DNAAF4: variants seen among roughly 807,000 people sequenced by gnomAD.
The protein encoded by DNAAF4 is dynein assembly factor 4, axonemal.
In DNAAF4, 43 loss-of-function variants were observed where a neutral mutation model predicts 51.8. The observed-to-expected ratio is 0.83, with a 90% CI of 0.65 to 1.07. DNAAF4 has a LOEUF of 1.07. DNAAF4 is among the 50% of genes least tolerant of loss of function. The pLI, the probability that DNAAF4 is intolerant of heterozygous loss-of-function variation, is 0.00. For missense variants in DNAAF4, 581 were observed against 493.0 expected (o/e 1.18, Z -1.69); for synonymous variants, 194 against 165.6 (o/e 1.17, Z -1.32).
intron 8 of DNAAF4, 68 bp from the exon 9 acceptor site, chr15:55,432,670 G>A: frequency 1.4e-6 from 2 of 1,408,386 alleles, no homozygotes; most frequent in Non-Finnish European, 1.9e-6. Flanking sequence ...AAAAGGCTGG[G>A]CATGGTGGCT....
chr15:55,440,147 G>C (rs1198099150), intron 6 of DNAAF4, among the ~76,000 whole-genome samples: 1 of 151,952 alleles, frequency 6.6e-6, no homozygotes, highest in Admixed American at 6.6e-5. Context: ...CCACCTCCCA[G>C]GTTCAAGTGA....
intron 4 of DNAAF4, among the ~76,000 whole-genome samples, chr15:55,474,505 G>C (rs1195002708): frequency 6.6e-6 from 1 of 152,108 alleles, no homozygotes; most frequent in East Asian, 1.9e-4. Flanking sequence ...CTGCACTCCA[G>C]CCTGGGCGAC....
At chr15:55,502,935 G>C (rs966190536) in intron 1 of DNAAF4, among the ~76,000 whole-genome samples, 3 of 152,060 alleles carry the variant, frequency 2.0e-5, no homozygotes, top group African/African-American at 7.2e-5. Context: ...GAAAAGAACT[G>C]AAGGAGATAG....
intron 8 of DNAAF4, 96 bp from the exon 9 acceptor site, chr15:55,432,698 C>G: frequency 9.0e-7 from 1 of 1,105,124 alleles, no homozygotes; most frequent in Non-Finnish European, 1.3e-6. Context: ...GTAATCCCAA[C>G]ACTTGGGGAG....
intron 7 of DNAAF4, chr15:55,418,839 G>T: frequency 4.1e-6 from 1 of 243,488 alleles, no homozygotes; most frequent in Non-Finnish European, 7.8e-6. Flanking sequence ...TATCTATTGA[G>T]TATACTTATC....
intron 5 of DNAAF4, among the ~76,000 whole-genome samples, chr15:55,459,021 A>C (rs1012870181): frequency 6.6e-6 from 1 of 150,906 alleles, no homozygotes; most frequent in African/African-American, 2.4e-5. Context: ...GGTTGCAGTG[A>C]GCCGAGATCA....
Position 55,430,668 on chromosome 15 carries a change from C to A in DNAAF4, c.*2G>T. 1.2e-6 allele frequency: 2 copies of A among 1,611,040 alleles called. No homozygotes were observed. The highest frequency in any genetic ancestry group is 2.2e-5 in the South Asian group (2 of 90,654). On this transcript the variant is annotated 3_prime_UTR_variant, in exon 10 of 10. Transcript: ENST00000321149. ...ACAATACTTAGTTACTTCTAATAGT[C>A]ATTAAGATTTTAGTTCTGTTCCTTG...
chr15:55,477,245 G>A (rs1298566878), intron 4 of DNAAF4, among the ~76,000 whole-genome samples: 1 of 152,034 alleles, frequency 6.6e-6, no homozygotes, highest in Non-Finnish European at 1.5e-5. Context: ...TTAATGCCAT[G>A]GAACTGTATA....
At chr15:55,481,700 T>G (rs551352785) in intron 4 of DNAAF4, among the ~76,000 whole-genome samples, 3 of 152,192 alleles carry the variant, frequency 2.0e-5, no homozygotes, top group Non-Finnish European at 4.4e-5. Flanking sequence ...CATAAAGATT[T>G]ATTGGGATCA....
chr15:55,464,167 A>C (rs1029904150), intron 5 of DNAAF4, among the ~76,000 whole-genome samples: 1 of 152,176 alleles, frequency 6.6e-6, no homozygotes, highest in Non-Finnish European at 1.5e-5. Flanking sequence ...ACAGCCAACC[A>C]ATCTTTGACA....
intron 3 of DNAAF4, among the ~76,000 whole-genome samples, chr15:55,492,237 G>C (rs1229237277): frequency 6.6e-6 from 1 of 151,200 alleles, no homozygotes; most frequent in Non-Finnish European, 1.5e-5. Context: ...ATCTTACAAA[G>C]GGAAGGATCA....
intron 9 of DNAAF4, among the ~76,000 whole-genome samples, chr15:55,431,981 G>A (rs1376541922): frequency 2.0e-5 from 3 of 150,832 alleles, no homozygotes; most frequent in African/African-American, 7.3e-5. Flanking sequence ...TTGAGAAGGA[G>A]TTTCGCTGTT....
intron 4 of DNAAF4, among the ~76,000 whole-genome samples, chr15:55,473,841 A>T (rs2058300632): frequency 6.6e-6 from 1 of 151,964 alleles, no homozygotes; most frequent in Non-Finnish European, 1.5e-5. Flanking sequence ...AAAATAAAAA[A>T]ATTAGCTGGG....
chr15:55,456,896 T>C (rs1437622679), intron 5 of DNAAF4, among the ~76,000 whole-genome samples: 3 of 152,228 alleles, frequency 2.0e-5, no homozygotes, highest in Non-Finnish European at 4.4e-5. Flanking sequence ...AAGCCATTCC[T>C]GGCGTGATCT....
chr15:55,449,832 G>A (rs1234618987), intron 6 of DNAAF4, among the ~76,000 whole-genome samples: 1 of 150,300 alleles, frequency 6.7e-6, no homozygotes, highest in Admixed American at 6.7e-5. Flanking sequence ...GCTAGTAGCT[G>A]CGATCACAGG....
chr15:55,454,384 GT>G (rs1296193992), intron 5 of DNAAF4, among the ~76,000 whole-genome samples: 4 of 151,620 alleles, frequency 2.6e-5, no homozygotes, highest in African/African-American at 9.7e-5. Context: ...GTTTGTTTTT[GT>G]TTTTGTTTTT....
At chr15:55,488,457 C>G (rs2058523425) in intron 4 of DNAAF4, among the ~76,000 whole-genome samples, 1 of 152,174 alleles carries the variant, frequency 6.6e-6, no homozygotes, top group South Asian at 2.1e-4. Flanking sequence ...CTTTTCTTAA[C>G]AGTGTCTAGG....
chr15:55,501,727 A>G (rs1438757338), intron 1 of DNAAF4, among the ~76,000 whole-genome samples: 2 of 151,960 alleles, frequency 1.3e-5, no homozygotes, highest in Admixed American at 1.3e-4. Flanking sequence ...CAAAAAATTA[A>G]AAACGAACTA....
At chr15:55,451,619 C>CTTT (rs34676492) in intron 5 of DNAAF4, among the ~76,000 whole-genome samples, 1 of 146,786 alleles carries the variant, frequency 6.8e-6, no homozygotes. Context: ...TGAATAATAT[C>CTTT]TTTTTTTTTT....
Sources: gnomAD v4.1 joint callset for allele counts (sites outside exome capture counted in the v4.1 genomes callset) on GRCh38, gnomAD v4.1.1 for gene constraint, MANE v1.5 for transcripts, NCBI Gene and HGNC (gene_info 2026-07-23, HGNC 2026-07-21) for gene names.